Variants in MB21D2 observed in about 807,000 individuals in gnomAD.
MB21D2 encodes Mab-21 domain containing 2, also known as nucleotidyltransferase MB21D2.
MB21D2 carries 9 observed loss-of-function variants against 33.3 expected under a neutral mutation model. The observed-to-expected ratio is 0.27, with a 90% CI of 0.16 to 0.47. The LOEUF (loss-of-function observed/expected upper bound fraction) is 0.47. Ranked by LOEUF, MB21D2 falls within the 20% of genes least tolerant of loss-of-function variation. The probability of loss-of-function intolerance (pLI) is 0.99; values close to 1 mark genes in which losing one functional copy is unlikely to be tolerated. For missense variants in MB21D2, 540 were observed against 624.6 expected, an observed-to-expected ratio of 0.86 and a Z score of 1.44; for synonymous variants, 241 against 236.3, an observed-to-expected ratio of 1.02 and a Z score of -0.18.
intron 1 of MB21D2, among the ~76,000 whole-genome samples, chr3:192,875,136 T>C (rs1360869521): frequency 2.6e-5 from 4 of 152,220 alleles, no homozygotes; most frequent in African/African-American, 9.6e-5. Context: ...ATCCACAACA[T>C]GGAAAGACCA....
intron 1 of MB21D2, among the ~76,000 whole-genome samples, chr3:192,912,527 G>T (rs1183779951): frequency 6.6e-6 from 1 of 152,000 alleles, no homozygotes; most frequent in Non-Finnish European, 1.5e-5. Context: ...ACAAAAATTG[G>T]CCAGGTGTGG....
intron 1 of MB21D2, among the ~76,000 whole-genome samples, chr3:192,850,696 G>A (rs1419486680): frequency 1.3e-5 from 2 of 152,098 alleles, no homozygotes; most frequent in African/African-American, 2.4e-5. Flanking sequence ...GCCCCGTCCC[G>A]TCTCCCTGCG....
chr3:192,857,805 T>C (rs945615830), intron 1 of MB21D2, among the ~76,000 whole-genome samples: 1 of 152,104 alleles, frequency 6.6e-6, no homozygotes, highest in African/African-American at 2.4e-5. Context: ...CATAAGTCAA[T>C]GGATCTGGCA....
At chr3:192,809,585 A>G (rs1711743541) in intron 1 of MB21D2, among the ~76,000 whole-genome samples, 1 of 152,186 alleles carries the variant, frequency 6.6e-6, no homozygotes, top group Non-Finnish European at 1.5e-5. Flanking sequence ...CATAAACTGT[A>G]TAGGAAACAG....
In MB21D2 at chr3:192,890,417, A is replaced by G. The variant is rs77415320; in HGVS notation, c.211+27213T>C. ...GAAACTCAAGACACCAAATAAACAA[A>G]GAGCTTGTACTTGTCCTTTAAAGAA... is the stretch of plus-strand genomic sequence containing the variant. On this transcript the variant is annotated intron_variant, in intron 1 of 1. Transcript: ENST00000392452. 6.8e-3 allele frequency among the ~76,000 whole-genome samples: 1,034 copies of G among 152,188 alleles called. 22 individuals carry two copies. The highest frequency in any genetic ancestry group is 0.024 in the African/African-American group (990 of 41,464).
chr3:192,824,492 AAAATAAAT>A (rs61642372), intron 1 of MB21D2, among the ~76,000 whole-genome samples: 54,562 of 147,420 alleles, frequency 0.37, 10,616 homozygotes, highest in East Asian at 0.6. Flanking sequence ...CTGATTTCTG[AAAATAAAT>A]AAATAAATAA....
intron 1 of MB21D2, among the ~76,000 whole-genome samples, chr3:192,893,026 ACAGT>A (rs1221791493): frequency 6.6e-6 from 1 of 152,176 alleles, no homozygotes; most frequent in African/African-American, 2.4e-5. Context: ...TTTGGCTTCC[ACAGT>A]CAATGTAAAC....
intron 1 of MB21D2, among the ~76,000 whole-genome samples, chr3:192,836,067 T>C (rs1349639329): frequency 1.3e-5 from 2 of 152,096 alleles, no homozygotes; most frequent in Admixed American, 1.3e-4. Flanking sequence ...TGTTTCTGAG[T>C]GGATGGAACT....
chr3:192,891,359 G>C (rs1713850634), intron 1 of MB21D2, among the ~76,000 whole-genome samples: 1 of 152,150 alleles, frequency 6.6e-6, no homozygotes, highest in African/African-American at 2.4e-5. Flanking sequence ...AATAGAACAA[G>C]AGCAGGAAAA....
At chr3:192,843,760 TTTACCCAAATTATAAA>T (rs1441744131) in intron 1 of MB21D2, among the ~76,000 whole-genome samples, 6 of 152,082 alleles carry the variant, frequency 3.9e-5, no homozygotes, top group Admixed American at 3.9e-4. Flanking sequence ...TGGAGGCCTG[TTTACCCAAATTATAAA>T]ATAGAAATAA....
chr3:192,899,196 G>T (rs1490849880), intron 1 of MB21D2, among the ~76,000 whole-genome samples: 2 of 152,162 alleles, frequency 1.3e-5, no homozygotes, highest in Admixed American at 6.5e-5. Flanking sequence ...AGAGATGTGG[G>T]CTGGAGCTGG....
intron 1 of MB21D2, among the ~76,000 whole-genome samples, chr3:192,835,455 CAAAAAAA>C (rs34280688): frequency 3.3e-5 from 2 of 61,172 alleles, no homozygotes; most frequent in African/African-American, 1.1e-4. Context: ...GACTCTGTCT[CAAAAAAA>C]AAAAAAAAAA....
At chr3:192,913,347 G>C (rs972361468) in intron 1 of MB21D2, among the ~76,000 whole-genome samples, 2 of 152,286 alleles carry the variant, frequency 1.3e-5, no homozygotes, top group Admixed American at 1.3e-4. Flanking sequence ...GCAGTGAGCT[G>C]AGACTGTACC....
At chr3:192,895,230 T>C (rs186327465) in intron 1 of MB21D2, among the ~76,000 whole-genome samples, 7 of 152,282 alleles carry the variant, frequency 4.6e-5, no homozygotes, top group African/African-American at 1.4e-4. Flanking sequence ...CCAACCCATG[T>C]CACCACCTTC....
chr3:192,861,473 G>C (rs1462226550), intron 1 of MB21D2, among the ~76,000 whole-genome samples: 1 of 152,334 alleles, frequency 6.6e-6, no homozygotes, highest in East Asian at 1.9e-4. Flanking sequence ...TTCTGATAAG[G>C]TGTTTGGGAA....
At chr3:192,896,022 G>C (rs570953836) in intron 1 of MB21D2, among the ~76,000 whole-genome samples, 51 of 152,220 alleles carry the variant, frequency 3.4e-4, no homozygotes, top group African/African-American at 1.1e-3. Flanking sequence ...GGAAAAAAAG[G>C]ATTTTCCACA....
intron 1 of MB21D2, among the ~76,000 whole-genome samples, chr3:192,860,797 T>C (rs1713025321): frequency 6.6e-6 from 1 of 152,212 alleles, no homozygotes; most frequent in Non-Finnish European, 1.5e-5. Context: ...ACATCTGAAA[T>C]AAATCCATAG....
chr3:192,811,766 C>T (rs971114552), intron 1 of MB21D2, among the ~76,000 whole-genome samples: 12 of 152,018 alleles, frequency 7.9e-5, no homozygotes, highest in Admixed American at 2.6e-4. Context: ...CCAAAGAGAA[C>T]AATGGGGATT....
intron 1 of MB21D2, among the ~76,000 whole-genome samples, chr3:192,827,399 G>A (rs1313175499): frequency 6.6e-6 from 1 of 152,036 alleles, no homozygotes; most frequent in Non-Finnish European, 1.5e-5. Context: ...CCCTGGGCTG[G>A]CTCACCTCCA....
Sources: gnomAD v4.1 joint callset for allele counts (sites outside exome capture counted in the v4.1 genomes callset) on GRCh38, gnomAD v4.1.1 for gene constraint, MANE v1.5 for transcripts, NCBI Gene and HGNC (gene_info 2026-07-23, HGNC 2026-07-21) for gene names.